The following ARNT2 variants were observed in gnomAD, a reference collection of about 807,000 sequenced individuals.
The protein encoded by ARNT2 is ARNT protein 2.
A neutral mutation model predicts 91.7 loss-of-function variants in ARNT2; 36 were observed. That is an observed-to-expected ratio of 0.39 (90% CI 0.30 to 0.52). ARNT2 has a LOEUF of 0.52. Ranked by LOEUF, ARNT2 falls within the 20% of genes least tolerant of loss-of-function variation. The probability of loss-of-function intolerance (pLI) is 0.72; values close to 1 mark genes in which losing one functional copy is unlikely to be tolerated. For missense variants in ARNT2, 775 were observed against 939.3 expected (o/e 0.83, Z 2.29); for synonymous variants, 365 against 347.1 (o/e 1.05, Z -0.57).
intron 3 of ARNT2, among the ~76,000 whole-genome samples, chr15:80,465,881 C>A (rs1012720287): frequency 6.6e-6 from 1 of 152,190 alleles, no homozygotes; most frequent in African/African-American, 2.4e-5. Context: ...CCTCTTCTGA[C>A]CTTTTAGTGT....
intron 8 of ARNT2, among the ~76,000 whole-genome samples, chr15:80,523,741 G>A (rs750263840): frequency 2.0e-5 from 3 of 152,140 alleles, no homozygotes; most frequent in Non-Finnish European, 4.4e-5. Flanking sequence ...GAGGCCCAAG[G>A]TGCGGACAGG....
intron 16 of ARNT2, 117 bp from the exon 17 acceptor site, chr15:80,581,122 G>T (rs1452107857): frequency 8.0e-7 from 1 of 1,243,590 alleles, no homozygotes; most frequent in Non-Finnish European, 1.2e-6. Flanking sequence ...AGAGGGTCAT[G>T]GGGAGTCACT....
intron 12 of ARNT2, among the ~76,000 whole-genome samples, chr15:80,565,469 C>T (rs1385179458): frequency 6.6e-6 from 1 of 151,996 alleles, no homozygotes; most frequent in African/African-American, 2.4e-5. Flanking sequence ...ATTTACATTC[C>T]CATCATCAGT....
At chr15:80,545,277 C>T (rs1897972834) in intron 8 of ARNT2, among the ~76,000 whole-genome samples, 1 of 152,176 alleles carries the variant, frequency 6.6e-6, no homozygotes, top group African/African-American at 2.4e-5. Flanking sequence ...ACTCATCATT[C>T]TAGAATCACC....
At chr15:80,406,134 G>T (rs1895598599) in intron 1 of ARNT2, among the ~76,000 whole-genome samples, 1 of 152,210 alleles carries the variant, frequency 6.6e-6, no homozygotes, top group South Asian at 2.1e-4. Flanking sequence ...AAGAGTTCCA[G>T]ATTTGGCACT....
At chr15:80,511,320 A>G (rs1330065403) in intron 6 of ARNT2, among the ~76,000 whole-genome samples, 1 of 152,188 alleles carries the variant, frequency 6.6e-6, no homozygotes, top group African/African-American at 2.4e-5. Context: ...AGTGAGAGCT[A>G]ATGATGAAAA....
chr15:80,446,008 G>A (rs75060044), intron 1 of ARNT2, among the ~76,000 whole-genome samples: 3,092 of 152,248 alleles, frequency 0.02, 103 homozygotes, highest in East Asian at 0.11. Flanking sequence ...GCATCTGTGT[G>A]TGTGTATTTT....
In ARNT2 at chr15:80,593,800, G is replaced by GC. The variant is rs1893328050; in HGVS notation, c.*108dup. 1 of 1,104,526 alleles carries GC rather than the reference G, an allele frequency of 9.1e-7. No homozygotes were observed. 68.4% of individuals were successfully genotyped at this position (1,104,526 alleles called of 1,614,324 possible). A position where few individuals can be genotyped will look rare whatever the true frequency, so the allele number is the denominator to read the frequency against. On this transcript the variant is annotated 3_prime_UTR_variant, in exon 19 of 19. Coordinates refer to ENST00000303329, the MANE Select transcript of ARNT2 (RefSeq NM_014862.4). ...CCTCGCCCTGCTTGCCCTGCCGCAG[G>GC]CCCCCCACCAGAAGCCATCTCCCCC...
At chr15:80,589,467 G>A (rs1193448364) in intron 17 of ARNT2, among the ~76,000 whole-genome samples, 1 of 152,368 alleles carries the variant, frequency 6.6e-6, no homozygotes, top group East Asian at 1.9e-4. Flanking sequence ...AACCATCATT[G>A]CAGCAGCATC....
At chr15:80,443,963 C>G (rs565632599) in intron 1 of ARNT2, among the ~76,000 whole-genome samples, 1 of 152,306 alleles carries the variant, frequency 6.6e-6, no homozygotes, top group African/African-American at 2.4e-5. Context: ...AAAATTCGGC[C>G]TTGGCTTTTG....
intron 8 of ARNT2, 125 bp downstream of exon 8, chr15:80,514,530 AG>A: frequency 1.2e-6 from 1 of 812,778 alleles, no homozygotes; most frequent in Non-Finnish European, 2.0e-6. Context: ...CTTTGTGGTT[AG>A]AACACAATGA....
chr15:80,462,912 T>C (rs1896582430), intron 3 of ARNT2, among the ~76,000 whole-genome samples: 1 of 152,210 alleles, frequency 6.6e-6, no homozygotes, highest in African/African-American at 2.4e-5. Flanking sequence ...TTTTGTGTGG[T>C]ATTTAAGCTT....
Position 80,450,899 on chromosome 15 carries a change from T to C in ARNT2, c.51T>C (p.Pro17=). 6.2e-7 allele frequency: 1 copy of C among 1,614,216 alleles called. No homozygotes were observed. ...TTCCAGAAATGGCTTCAGACATACCTGGATCTGTGACGTTGCCCGTTGCCC... is the reference window on the plus strand; with the variant it reads ...TTCCAGAAATGGCTTCAGACATACCCGGATCTGTGACGTTGCCCGTTGCCC... ...VNPPEMASDI[P]GSVTLPVAPM... Residue 17 remains proline, a synonymous_variant, in exon 2 of 19, where the codon CCT becomes CCC. Transcript: ENST00000303329.
chr15:80,414,617 A>T (rs976143182), intron 1 of ARNT2, among the ~76,000 whole-genome samples: 1 of 152,224 alleles, frequency 6.6e-6, no homozygotes, highest in Non-Finnish European at 1.5e-5. Context: ...TATTTTTAGA[A>T]CAGCATTGAT....
At chr15:80,521,127 C>T (rs964497136) in intron 8 of ARNT2, among the ~76,000 whole-genome samples, 6 of 152,114 alleles carry the variant, frequency 3.9e-5, no homozygotes, top group African/African-American at 1.4e-4. Flanking sequence ...TCTGATTTTA[C>T]TGAGATAGAC....
At chr15:80,424,756 G>A (rs1181099758) in intron 1 of ARNT2, among the ~76,000 whole-genome samples, 1 of 140,820 alleles carries the variant, frequency 7.1e-6, no homozygotes, top group East Asian at 2.1e-4. Context: ...AGTTTATACT[G>A]TTTTCTTCCA....
intron 12 of ARNT2, among the ~76,000 whole-genome samples, chr15:80,565,166 C>G (rs953453962): frequency 4.6e-5 from 7 of 152,136 alleles, no homozygotes; most frequent in African/African-American, 1.7e-4. Context: ...CTCAGGCAAT[C>G]TGCCTGCTTT....
intron 8 of ARNT2, among the ~76,000 whole-genome samples, chr15:80,535,521 A>G (rs1323285570): frequency 6.6e-6 from 1 of 152,174 alleles, no homozygotes; most frequent in Non-Finnish European, 1.5e-5. Flanking sequence ...TTCCCTGGAT[A>G]TATTTGCTGT....
intron 17 of ARNT2, among the ~76,000 whole-genome samples, chr15:80,582,910 A>C (rs760769372): frequency 1.2e-4 from 18 of 151,948 alleles, no homozygotes; most frequent in Non-Finnish European, 1.5e-4. Context: ...CTGGTTCCCC[A>C]CCCGGGTGTG....
Sources: gnomAD v4.1 joint callset for allele counts (sites outside exome capture counted in the v4.1 genomes callset) on GRCh38, gnomAD v4.1.1 for gene constraint, MANE v1.5 for transcripts, NCBI Gene and HGNC (gene_info 2026-07-23, HGNC 2026-07-21) for gene names.